The following SHISAL1 variants were observed in gnomAD, a reference collection of about 807,000 sequenced individuals.
SHISAL1 encodes the protein protein shisa-like-1.
SHISAL1 carries 9 observed loss-of-function variants against 22.6 expected under a neutral mutation model. The observed-to-expected ratio is 0.40, with a 90% CI of 0.24 to 0.70. SHISAL1 has a LOEUF of 0.70. Among genes scored for constraint, SHISAL1 ranks in the 30% least tolerant of loss-of-function variants. SHISAL1 has a pLI of 0.39. For missense variants in SHISAL1, 246 were observed against 270.6 expected, an observed-to-expected ratio of 0.91 and a Z score of 0.64; for synonymous variants, 119 against 115.4, an observed-to-expected ratio of 1.03 and a Z score of -0.20.
chr22:44,317,754 T>G (rs1014618194), upstream of SHISAL1, among the ~76,000 whole-genome samples: 2 of 152,154 alleles, frequency 1.3e-5, no homozygotes, highest in Non-Finnish European at 2.9e-5. Context: ...CTGTGTCCGC[T>G]TCAGACACAG....
At chr22:44,275,820 G>A (rs2055236075) in intron 4 of SHISAL1, among the ~76,000 whole-genome samples, 1 of 152,226 alleles carries the variant, frequency 6.6e-6, no homozygotes. Context: ...TGTTGCAGCT[G>A]CTTAGCTCAG....
rs570484250 is a variant in SHISAL1 at position 44,303,640 on chromosome 22, G to A, written c.-32-2663C>T. 9.7e-4 allele frequency among the ~76,000 whole-genome samples: 147 copies of A among 152,286 alleles called. 1 individual carries two copies. The highest frequency in any genetic ancestry group is 3.9e-3 in the South Asian group (19 of 4,822). The stretch of plus-strand genomic sequence containing the variant: ...GCTGAGACAGTAAATTCCTCTTGTT[G>A]AAACCTCTTGGTTTGAGGAGCTTTG... On this transcript the variant is annotated intron_variant, in intron 1 of 4. Coordinates refer to ENST00000381176, the MANE Select transcript of SHISAL1 (RefSeq NM_001099294.2).
At chr22:44,254,443 C>T (rs1181147925) in intron 4 of SHISAL1, among the ~76,000 whole-genome samples, 1 of 152,044 alleles carries the variant, frequency 6.6e-6, no homozygotes, top group African/African-American at 2.4e-5. Context: ...TCACTGCAAC[C>T]TCAAACTCCT....
intron 4 of SHISAL1, among the ~76,000 whole-genome samples, chr22:44,279,362 G>T (rs550053814): frequency 6.6e-6 from 1 of 152,228 alleles, no homozygotes; most frequent in East Asian, 1.9e-4. Flanking sequence ...AAGCCTCCTT[G>T]GTATTTGATG....
intron 3 of SHISAL1, among the ~76,000 whole-genome samples, chr22:44,290,042 G>A (rs534658883): frequency 6.6e-6 from 1 of 152,332 alleles, no homozygotes; most frequent in South Asian, 2.1e-4. Context: ...CGTCTTCCCG[G>A]GGCACAGGAG....
Position 44,253,757 on chromosome 22 carries a change from C to T in SHISAL1, c.*-4072G>A, listed in dbSNP as rs553574713. ...ATGCCCGGCCTAGTGCATTTCAATT[C>T]ACCTTTCTCAATCCATTCCATATGC... On this transcript the variant is annotated intron_variant, in intron 4 of 4. Coordinates refer to ENST00000381176, the MANE Select transcript of SHISAL1 (RefSeq NM_001099294.2). 5.1e-4 allele frequency among the ~76,000 whole-genome samples: 77 copies of T among 151,954 alleles called. 1 individual carries two copies. The highest frequency in any genetic ancestry group is 1.8e-3 in the African/African-American group (76 of 41,442).
chr22:44,249,968 A>ATG (rs2055035810), intron 4 of SHISAL1, among the ~76,000 whole-genome samples: 1 of 152,240 alleles, frequency 6.6e-6, no homozygotes, highest in Non-Finnish European at 1.5e-5. Context: ...TTAATTGTGG[A>ATG]TAACTTACAT....
intron 4 of SHISAL1, among the ~76,000 whole-genome samples, chr22:44,280,582 G>A (rs1028347635): frequency 1.8e-4 from 28 of 152,184 alleles, no homozygotes; most frequent in Non-Finnish European, 4.4e-5. Context: ...TCAGGAGGGG[G>A]CCGCTCAGGT....
chr22:44,274,360 G>A (rs1270003518), intron 4 of SHISAL1, among the ~76,000 whole-genome samples: 2 of 152,102 alleles, frequency 1.3e-5, no homozygotes, highest in African/African-American at 4.8e-5. Flanking sequence ...AATGAGGCTG[G>A]CGCTGGAATC....
chr22:44,320,870 A>G, the SHISAL1 span, among the ~76,000 whole-genome samples: 1 of 152,210 alleles, frequency 6.6e-6, no homozygotes, highest in Non-Finnish European at 1.5e-5. Flanking sequence ...ACTGTGGGGC[A>G]GTGGAGTCTC....
At chr22:44,282,831 G>C (rs569274834) in intron 4 of SHISAL1, among the ~76,000 whole-genome samples, 2 of 152,324 alleles carry the variant, frequency 1.3e-5, no homozygotes, top group Non-Finnish European at 2.9e-5. Flanking sequence ...GTGTGCCCGA[G>C]GAGGGCCGCA....
chr22:44,279,755 T>C (rs564547928), intron 4 of SHISAL1, among the ~76,000 whole-genome samples: 1 of 152,194 alleles, frequency 6.6e-6, no homozygotes, highest in South Asian at 2.1e-4. Flanking sequence ...GGGTCCAGGG[T>C]GACGGAGCCA....
At chr22:44,326,676 G>A in the SHISAL1 span, among the ~76,000 whole-genome samples, 3 of 152,192 alleles carry the variant, frequency 2.0e-5, no homozygotes, top group African/African-American at 7.2e-5. Context: ...AGGCAGATGG[G>A]TGGTGACTGG....
At chr22:44,318,508 A>G in the SHISAL1 span, among the ~76,000 whole-genome samples, 1 of 152,208 alleles carries the variant, frequency 6.6e-6, no homozygotes, top group Admixed American at 6.5e-5. Flanking sequence ...CAGGACGTGC[A>G]GGCTGGCCTG....
rs2054995475 is a variant in SHISAL1, at chr22:44,245,822, A to C, written c.*3863T>G. On this transcript the variant is annotated 3_prime_UTR_variant, in exon 5 of 5. Transcript: ENST00000381176. Reference sequence around the variant, plus strand: ...TGTCATGTTTTCCCTGACATTCCCAAGTCCTCCTCTTCAGCTCTGGGCCAA... The same window carrying C: ...TGTCATGTTTTCCCTGACATTCCCACGTCCTCCTCTTCAGCTCTGGGCCAA... The C allele has an allele frequency of 6.6e-6, 1 of 152,218 alleles. No homozygotes were observed. Among genetic ancestry groups the C allele is most frequent in the Non-Finnish European group, 1.5e-5 (1 of 68,046 alleles). The allele number at this position is 152,218 out of a possible 1,614,324, so 9.4% of individuals were successfully genotyped here. A position where few individuals can be genotyped will look rare whatever the true frequency, so the allele number is the denominator to read the frequency against.
upstream of SHISAL1, among the ~76,000 whole-genome samples, chr22:44,313,705 C>G (rs575794580): frequency 4.4e-4 from 67 of 152,344 alleles, 1 homozygote; most frequent in African/African-American, 1.5e-3. Context: ...TCTCCCACCC[C>G]TGGGCCTTCG....
chr22:44,266,534 G>GTT (rs1047552406), intron 4 of SHISAL1, among the ~76,000 whole-genome samples: 1 of 120,268 alleles, frequency 8.3e-6, no homozygotes, highest in African/African-American at 3.8e-5. Context: ...GGGTATGTGT[G>GTT]TGTGTGTGTG....
chr22:44,300,666 C>A (rs2055421583), intron 2 of SHISAL1, among the ~76,000 whole-genome samples: 1 of 151,352 alleles, frequency 6.6e-6, no homozygotes, highest in South Asian at 2.1e-4. Flanking sequence ...GGCTGCGGTG[C>A]ACAGTAGAGA....
rs117080978 is a variant in SHISAL1 at position 44,264,527 on chromosome 22, G to T, written c.*-14842C>A. ...CTCCTTGCAGGGTCCAATGTGCAGGGGTTTGGGGCACAGGTGGGGTGTCCT... is the reference window on the plus strand; with the variant it reads ...CTCCTTGCAGGGTCCAATGTGCAGGTGTTTGGGGCACAGGTGGGGTGTCCT... On this transcript the variant is annotated intron_variant, in intron 4 of 4. Transcript: ENST00000381176. Among the ~76,000 whole-genome samples, 133 of 150,054 alleles carry T rather than the reference G, an allele frequency of 8.9e-4. 3 individuals are homozygous for T. In the East Asian group the frequency reaches 0.023, roughly 26 times the overall value.
Sources: gnomAD v4.1 joint callset for allele counts (sites outside exome capture counted in the v4.1 genomes callset) on GRCh38, gnomAD v4.1.1 for gene constraint, MANE v1.5 for transcripts, NCBI Gene and HGNC (gene_info 2026-07-23, HGNC 2026-07-21) for gene names.